Variants in FANCL observed in about 807,000 individuals in gnomAD.
The protein encoded by FANCL is E3 ubiquitin-protein ligase FANCL.
A neutral mutation model predicts 59.4 loss-of-function variants in FANCL; 69 were observed. That is an observed-to-expected ratio of 1.16 (90% CI 0.96 to 1.42). The LOEUF is 1.42. Ranked by LOEUF, FANCL falls within the 40% of genes most tolerant of loss-of-function variation. The pLI is 0.00. For missense variants in FANCL, 519 were observed against 447.2 expected, an observed-to-expected ratio of 1.16 and a Z score of -1.45; for synonymous variants, 180 against 147.1, an observed-to-expected ratio of 1.22 and a Z score of -1.62.
intron 5 of FANCL, among the ~76,000 whole-genome samples, chr2:58,216,128 CA>C (rs112604126): frequency 1.4e-4 from 22 of 152,046 alleles, no homozygotes; most frequent in African/African-American, 4.8e-4. Flanking sequence ...TAGGATCTAC[CA>C]GGGGGGAAAT....
At chr2:58,197,574 T>C (rs1321085345) in intron 7 of FANCL, among the ~76,000 whole-genome samples, 1 of 152,190 alleles carries the variant, frequency 6.6e-6, no homozygotes, top group Non-Finnish European at 1.5e-5. Context: ...CCGATAATCA[T>C]ACCACCTTAT....
At chr2:58,160,954 G>A (rs1450062405) in intron 12 of FANCL, among the ~76,000 whole-genome samples, 2 of 152,026 alleles carry the variant, frequency 1.3e-5, no homozygotes, top group East Asian at 1.9e-4. Context: ...AGGCCCTAAG[G>A]TGAAGCCAGG....
intron 7 of FANCL, among the ~76,000 whole-genome samples, chr2:58,176,019 C>G (rs985475383): frequency 1.3e-5 from 2 of 152,134 alleles, no homozygotes; most frequent in African/African-American, 2.4e-5. Flanking sequence ...TGAGTGAACT[C>G]CCATTCACAA....
chr2:58,165,540 G>A (rs1685821155), intron 8 of FANCL, among the ~76,000 whole-genome samples, 184 bp downstream of exon 8: 1 of 151,988 alleles, frequency 6.6e-6, no homozygotes, highest in Admixed American at 6.5e-5. Context: ...AAACACCTCA[G>A]TACTTCTCCT....
In FANCL at chr2:58,159,686, T is replaced by G; in HGVS notation, c.*79A>C. 6.2e-7 allele frequency: 1 copy of G among 1,612,662 alleles called. No homozygotes were observed. Among genetic ancestry groups the G allele is most frequent in the Non-Finnish European group, 8.5e-7 (1 of 1,179,452 alleles). On this transcript the variant is annotated 3_prime_UTR_variant, in exon 14 of 14. Coordinates refer to ENST00000233741, the MANE Select transcript of FANCL (RefSeq NM_018062.4). ...ATGTTAGTATTTCTTGCTTTATTTT[T>G]TCTCTGAAGATGATACCAAAATTCC...
At chr2:58,213,485 T>C (rs1004690092) in intron 5 of FANCL, 3 of 152,240 alleles carry the variant, frequency 2.0e-5, no homozygotes, top group East Asian at 1.9e-4. Flanking sequence ...CTTCTCACAA[T>C]CCATGCACAC....
intron 6 of FANCL, among the ~76,000 whole-genome samples, chr2:58,200,641 T>A (rs1689911780): frequency 6.6e-6 from 1 of 151,884 alleles, no homozygotes; most frequent in Non-Finnish European, 1.5e-5. Flanking sequence ...ATTAAGTACA[T>A]ACACAGCTCA....
At position 58,163,343 on chromosome 2, in the gene FANCL, A is replaced by C. The variant is rs1685492188; in HGVS notation, c.775+91T>G. The C allele has an allele frequency of 1.5e-5, 14 of 926,478 alleles. 1 individual carries two copies. In the South Asian group the frequency reaches 2.0e-4, roughly 13 times the overall value. 57.4% of individuals were successfully genotyped at this position (926,478 alleles called of 1,614,324 possible). On this transcript the variant is annotated intron_variant, in intron 9 of 13. Coordinates refer to ENST00000233741, the MANE Select transcript of FANCL (RefSeq NM_018062.4). The stretch of plus-strand genomic sequence containing the variant: ...TCTCAGACAAAAAATAAAAACTACC[A>C]TTAATATACTAATATTGTCTAATAA...
chr2:58,203,826 T>C lies in FANCL; in HGVS notation c.471+304A>G, dbSNP rs375414034. Among the ~76,000 whole-genome samples, 49 of 152,184 alleles carry C rather than the reference T, an allele frequency of 3.2e-4. No homozygotes were observed. The South Asian group carries it at 8.9e-3, about 28-fold the overall frequency. On this transcript the variant is annotated intron_variant, in intron 6 of 13. Coordinates refer to ENST00000233741, the MANE Select transcript of FANCL (RefSeq NM_018062.4). The stretch of plus-strand genomic sequence containing the variant: ...GATAGTGGAAGTGTCCACTGTCTTC[T>C]ACATGTTACATGTAGGATGTTACAA...
intron 7 of FANCL, among the ~76,000 whole-genome samples, chr2:58,169,564 A>G (rs765683135): frequency 1.6e-4 from 25 of 152,150 alleles, no homozygotes; most frequent in Non-Finnish European, 2.9e-4. Flanking sequence ...TGACAAACTG[A>G]CAGAAGTAGG....
chr2:58,225,414 G>A (rs1692904410), intron 4 of FANCL, among the ~76,000 whole-genome samples: 1 of 151,894 alleles, frequency 6.6e-6, no homozygotes, highest in South Asian at 2.1e-4. Context: ...ACTAATAAAT[G>A]CAGATGATGG....
At chr2:58,212,819 G>A (rs1424345995) in intron 5 of FANCL, among the ~76,000 whole-genome samples, 1 of 152,068 alleles carries the variant, frequency 6.6e-6, no homozygotes, top group African/African-American at 2.4e-5. Context: ...TGTTTTGACT[G>A]TGTTTTTATA....
At chr2:58,203,675 A>T (rs892537282) in intron 6 of FANCL, among the ~76,000 whole-genome samples, 1 of 152,084 alleles carries the variant, frequency 6.6e-6, no homozygotes, top group African/African-American at 2.4e-5. Flanking sequence ...CAAAGCAAAC[A>T]AACTATAAAA....
intron 5 of FANCL, among the ~76,000 whole-genome samples, chr2:58,208,984 T>A (rs575521752): frequency 6.6e-6 from 1 of 152,250 alleles, no homozygotes; most frequent in East Asian, 1.9e-4. Context: ...AAAAATAAAT[T>A]GCACATTTCT....
chr2:58,162,747 G>C, intron 11 of FANCL, 119 bp downstream of exon 11: 1 of 878,048 alleles, frequency 1.1e-6, no homozygotes, highest in Non-Finnish European at 1.9e-6. Flanking sequence ...CAGATCAGAA[G>C]TCTGTGTTAT....
intron 1 of FANCL, among the ~76,000 whole-genome samples, chr2:58,236,991 T>C (rs79123434): frequency 9.2e-5 from 14 of 152,142 alleles, no homozygotes; most frequent in African/African-American, 2.9e-4. Flanking sequence ...TAAATAGAAA[T>C]TGAAAAATCA....
intron 1 of FANCL, among the ~76,000 whole-genome samples, chr2:58,232,424 G>A (rs376207402): frequency 1.3e-5 from 2 of 151,112 alleles, no homozygotes; most frequent in African/African-American, 4.9e-5. Context: ...GCCCATAGAA[G>A]AAATTTCAGT....
chr2:58,178,628 C>T (rs908139273), intron 7 of FANCL, among the ~76,000 whole-genome samples: 1 of 152,108 alleles, frequency 6.6e-6, no homozygotes, highest in Non-Finnish European at 1.5e-5. Context: ...CAATATCATA[C>T]TGAATGGGCA....
intron 7 of FANCL, among the ~76,000 whole-genome samples, chr2:58,191,780 TAA>T (rs138758285): frequency 0.024 from 3,642 of 152,024 alleles, 138 homozygotes; most frequent in African/African-American, 0.081. Flanking sequence ...CTCACTATAT[TAA>T]GAGTTCACCA....
Sources: gnomAD v4.1 joint callset for allele counts (sites outside exome capture counted in the v4.1 genomes callset) on GRCh38, gnomAD v4.1.1 for gene constraint, MANE v1.5 for transcripts, NCBI Gene and HGNC (gene_info 2026-07-23, HGNC 2026-07-21) for gene names.